ALMS1: variants seen among roughly 807,000 people sequenced by gnomAD.
The protein encoded by ALMS1 is centrosome-associated protein ALMS1.
A neutral mutation model predicts 352.2 loss-of-function variants in ALMS1; 271 were observed. That is an observed-to-expected ratio of 0.77 (90% CI 0.70 to 0.85). ALMS1 has a LOEUF of 0.85. Among genes scored for constraint, ALMS1 ranks in the 40% least tolerant of loss-of-function variants. The probability of loss-of-function intolerance (pLI) is 0.00; values close to 1 mark genes in which losing one functional copy is unlikely to be tolerated. For missense variants in ALMS1, 5,445 were observed against 4,870.7 expected (o/e 1.12, Z -3.51); for synonymous variants, 1,865 against 1,761.2 (o/e 1.06, Z -1.48).
chr2:73,399,694 C>T (rs1226854104), intron 1 of ALMS1, among the ~76,000 whole-genome samples: 2 of 152,020 alleles, frequency 1.3e-5, no homozygotes, highest in Non-Finnish European at 2.9e-5. Context: ...ATATCCAAAT[C>T]ATATCAGAGA....
intron 16 of ALMS1, among the ~76,000 whole-genome samples, chr2:73,576,033 A>T (rs1429794797): frequency 6.6e-6 from 1 of 152,206 alleles, no homozygotes; most frequent in Non-Finnish European, 1.5e-5. Context: ...ATTCTTCTGC[A>T]TGTGAATATC....
At chr2:73,565,974 TACAA>T (rs1674793684) in intron 15 of ALMS1, among the ~76,000 whole-genome samples, 1 of 152,126 alleles carries the variant, frequency 6.6e-6, no homozygotes, top group Non-Finnish European at 1.5e-5. Flanking sequence ...GAACAGTATG[TACAA>T]AACAAGGCAA....
At chr2:73,468,894 A>G (rs549681168) in intron 9 of ALMS1, among the ~76,000 whole-genome samples, 31 of 152,132 alleles carry the variant, frequency 2.0e-4, no homozygotes, top group Admixed American at 1.6e-3. Flanking sequence ...CCAAACCACG[A>G]TGAGGATTTA....
At chr2:73,423,359 T>G (rs1156608435) in intron 4 of ALMS1, among the ~76,000 whole-genome samples, 3 of 152,208 alleles carry the variant, frequency 2.0e-5, no homozygotes, top group Non-Finnish European at 4.4e-5. Context: ...TGTTTGGCAC[T>G]CTCATTTTGT....
intron 1 of ALMS1, among the ~76,000 whole-genome samples, chr2:73,404,372 A>G (rs555801553): frequency 6.6e-6 from 1 of 152,068 alleles, no homozygotes; most frequent in Admixed American, 6.5e-5. Context: ...CTTAGAGGAA[A>G]TGTTTTCAGT....
chr2:73,491,844 AC>A (rs1672994877), intron 10 of ALMS1, among the ~76,000 whole-genome samples: 1 of 152,190 alleles, frequency 6.6e-6, no homozygotes, highest in African/African-American at 2.4e-5. Flanking sequence ...GGTTGCACAC[AC>A]ATACATGGGT....
chr2:73,578,359 A>G (rs1675097774), intron 16 of ALMS1, among the ~76,000 whole-genome samples: 1 of 152,174 alleles, frequency 6.6e-6, no homozygotes, highest in Non-Finnish European at 1.5e-5. Context: ...ATTGGCGAGT[A>G]TAATCCATTT....
intron 16 of ALMS1, among the ~76,000 whole-genome samples, chr2:73,586,300 T>A (rs1398420725): frequency 6.6e-6 from 1 of 152,220 alleles, no homozygotes; most frequent in African/African-American, 2.4e-5. Flanking sequence ...TTTTGGGTTC[T>A]TGGTCGTGAG....
At chr2:73,535,056 A>G in intron 12 of ALMS1, 107 bp downstream of exon 12, 1 of 1,430,854 alleles carries the variant, frequency 7.0e-7, no homozygotes, top group East Asian at 2.3e-5. Flanking sequence ...TTTTTCAGTG[A>G]AATATGGAAC....
rs781411724 is a variant in ALMS1 at position 73,558,972 on chromosome 2, A to T, written c.10214A>T (p.Asp3405Val). ...EKESLQKDTA[D>V]SSAAAAAEHS... ...TAGTGTGTTAATTTCCCTTTCGTAG[A>T]TTCCAGTGCTGCTGCTGCTGCAGAG... Residue 3405 changes from aspartate to valine, a missense_variant and splice_region_variant, in exon 15 of 23, where the codon GAT becomes GTT. Physicochemically the swap from Asp to Val is radical, Grantham distance 152 (BLOSUM62 -3). Coordinates refer to ENST00000613296, the MANE Select transcript of ALMS1 (RefSeq NM_001378454.1). The T allele has an allele frequency of 2.5e-6, 4 of 1,613,832 alleles. No homozygotes were observed. The African/African-American group carries it at 5.3e-5, about 22-fold the overall frequency.
chr2:73,555,304 A>G (rs1674520275), intron 13 of ALMS1, among the ~76,000 whole-genome samples: 1 of 152,224 alleles, frequency 6.6e-6, no homozygotes, highest in African/African-American at 2.4e-5. Flanking sequence ...ACCCAGAAAC[A>G]TATCCATGAA....
At chr2:73,526,060 C>T (rs13409668) in intron 11 of ALMS1, among the ~76,000 whole-genome samples, 48,604 of 152,014 alleles carry the variant, frequency 0.32, 9,489 homozygotes, top group African/African-American at 0.55. Context: ...ATGTTCTTGG[C>T]ACCTTTGTTG....
chr2:73,511,906 G>T (rs1371545662), intron 10 of ALMS1, among the ~76,000 whole-genome samples: 6 of 152,170 alleles, frequency 3.9e-5, no homozygotes, highest in African/African-American at 1.4e-4. Flanking sequence ...TTAAGACCCA[G>T]GAGTGTGATT....
At chr2:73,543,379 A>C (rs574461717) in intron 12 of ALMS1, among the ~76,000 whole-genome samples, 1 of 152,348 alleles carries the variant, frequency 6.6e-6, no homozygotes, top group Admixed American at 6.5e-5. Flanking sequence ...GATGGATTAA[A>C]GACTTACATG....
chr2:73,539,256 T>G (rs1466318164), intron 12 of ALMS1, among the ~76,000 whole-genome samples: 1 of 152,222 alleles, frequency 6.6e-6, no homozygotes, highest in African/African-American at 2.4e-5. Flanking sequence ...CCTCTGCTGC[T>G]GATACCCAGG....
chr2:73,406,727 G>C (rs1670980722), intron 1 of ALMS1, among the ~76,000 whole-genome samples: 1 of 152,158 alleles, frequency 6.6e-6, no homozygotes, highest in Non-Finnish European at 1.5e-5. Context: ...CCGGGTTCAA[G>C]TGGTTCTCCT....
At chr2:73,520,483 T>G (rs901259645) in intron 11 of ALMS1, among the ~76,000 whole-genome samples, 4 of 152,248 alleles carry the variant, frequency 2.6e-5, no homozygotes, top group Non-Finnish European at 4.4e-5. Context: ...CTCTTACTTA[T>G]AAAGCAATCA....
intron 15 of ALMS1, among the ~76,000 whole-genome samples, chr2:73,564,034 G>C (rs982925485): frequency 6.6e-6 from 1 of 151,814 alleles, no homozygotes; most frequent in Non-Finnish European, 1.5e-5. Flanking sequence ...GATGTGGGGT[G>C]TGTGTGGCTG....
intron 16 of ALMS1, among the ~76,000 whole-genome samples, chr2:73,578,983 T>C (rs1186387742): frequency 1.3e-5 from 2 of 152,094 alleles, no homozygotes; most frequent in African/African-American, 4.8e-5. Flanking sequence ...GTACTCTCTT[T>C]ATCATTCCTT....
Sources: gnomAD v4.1 joint callset for allele counts (sites outside exome capture counted in the v4.1 genomes callset) on GRCh38, gnomAD v4.1.1 for gene constraint, MANE v1.5 for transcripts, NCBI Gene and HGNC (gene_info 2026-07-23, HGNC 2026-07-21) for gene names.